AXDND1: variants seen among roughly 807,000 people sequenced by gnomAD.
AXDND1 encodes axonemal dynein light chain domain containing 1.
AXDND1 carries 110 observed loss-of-function variants against 137.5 expected under a neutral mutation model. That is an observed-to-expected ratio of 0.80 (90% confidence interval 0.69 to 0.94). AXDND1 has a LOEUF of 0.94. Ranked by LOEUF, AXDND1 falls within the 40% of genes least tolerant of loss-of-function variation. The pLI is 0.00. For missense variants in AXDND1, 1,191 were observed against 1,169.8 expected, an observed-to-expected ratio of 1.02 and a Z score of -0.26; for synonymous variants, 414 against 399.7, an observed-to-expected ratio of 1.04 and a Z score of -0.43.
chr1:179,478,234 G>A (rs1402929674), intron 17 of AXDND1, among the ~76,000 whole-genome samples: 1 of 152,194 alleles, frequency 6.6e-6, no homozygotes, highest in Admixed American at 6.5e-5. Flanking sequence ...GCTCCACTAG[G>A]CAGCACACCA....
chr1:179,408,006 A>G (rs1051011693), intron 11 of AXDND1, among the ~76,000 whole-genome samples: 2 of 152,182 alleles, frequency 1.3e-5, no homozygotes, highest in African/African-American at 4.8e-5. Context: ...ACCTGTCTTC[A>G]AGGTCAGAAG....
chr1:179,500,224 C>T (rs1667855224), intron 20 of AXDND1, among the ~76,000 whole-genome samples: 2 of 151,610 alleles, frequency 1.3e-5, no homozygotes. Flanking sequence ...AATGCAAGTT[C>T]GTAATATAAC....
chr1:179,417,884 CAG>C (rs1242627296), intron 12 of AXDND1, among the ~76,000 whole-genome samples: 2 of 151,574 alleles, frequency 1.3e-5, no homozygotes, highest in African/African-American at 4.8e-5. Context: ...TTTTTTTAAT[CAG>C]AGTTTTATAG....
chr1:179,510,619 C>G (rs12131398), intron 21 of AXDND1, among the ~76,000 whole-genome samples: 128,473 of 151,952 alleles, frequency 0.85, 55,006 homozygotes, highest in East Asian at 0.96. Flanking sequence ...TAATGAAATA[C>G]CACCGACATG....
chr1:179,498,402 A>T (rs1667673048), intron 20 of AXDND1, among the ~76,000 whole-genome samples: 1 of 152,152 alleles, frequency 6.6e-6, no homozygotes, highest in Non-Finnish European at 1.5e-5. Flanking sequence ...AGCAAGGGGG[A>T]AAAGACTCCC....
intron 18 of AXDND1, 59 bp from the exon 19 acceptor site, chr1:179,491,479 A>C: frequency 8.4e-7 from 1 of 1,189,574 alleles, no homozygotes; most frequent in South Asian, 1.4e-5. Context: ...ATTTGGTGTG[A>C]TTTTTACTGT....
At chr1:179,517,042 T>C (rs937643052) in intron 21 of AXDND1, among the ~76,000 whole-genome samples, 1 of 152,196 alleles carries the variant, frequency 6.6e-6, no homozygotes, top group African/African-American at 2.4e-5. Context: ...TCATATACCC[T>C]ACCCACCCTT....
chr1:179,484,652 C>T (rs1193645410), intron 18 of AXDND1, among the ~76,000 whole-genome samples: 1 of 152,184 alleles, frequency 6.6e-6, no homozygotes, highest in African/African-American at 2.4e-5. Context: ...CTCCCCCATG[C>T]CATTTGCCAG....
At chr1:179,415,442 G>A (rs1439584326) in intron 12 of AXDND1, among the ~76,000 whole-genome samples, 1 of 152,132 alleles carries the variant, frequency 6.6e-6, no homozygotes, top group Non-Finnish European at 1.5e-5. Flanking sequence ...TAAAAACAAT[G>A]TAATTATAAA....
chr1:179,534,063 C>T (rs1337376093), intron 24 of AXDND1, among the ~76,000 whole-genome samples, 186 bp downstream of exon 24: 1 of 152,176 alleles, frequency 6.6e-6, no homozygotes, highest in Non-Finnish European at 1.5e-5. Context: ...AACATCCATT[C>T]TTAACTACAG....
At chr1:179,392,914 T>C (rs1650421792) in intron 9 of AXDND1, among the ~76,000 whole-genome samples, 1 of 152,230 alleles carries the variant, frequency 6.6e-6, no homozygotes. Flanking sequence ...TCTCCCTCTC[T>C]GTGGGTTGTC....
At chr1:179,417,977 T>A (rs1473288511) in intron 12 of AXDND1, among the ~76,000 whole-genome samples, 1 of 149,972 alleles carries the variant, frequency 6.7e-6, no homozygotes, top group African/African-American at 2.5e-5. Flanking sequence ...TTTATTTATT[T>A]ATTTTTATTT....
chr1:179,404,390 T>A (rs1295325498), intron 11 of AXDND1, among the ~76,000 whole-genome samples: 1 of 146,782 alleles, frequency 6.8e-6, no homozygotes, highest in African/African-American at 2.5e-5. Context: ...CCCAGTTAAT[T>A]TTTGTATTTT....
chr1:179,429,595 T>C lies in AXDND1; in HGVS notation c.1308T>C (p.His436=), dbSNP rs117062325. The part of the protein sequence containing the change: ...NEKGWNKYTK[H]FIILLSNKDT... Reference sequence around the variant, plus strand: ...AAGGCTGGAATAAATACACTAAGCATTTCATCATACTGCTATCAAACAAGG... The same window carrying C: ...AAGGCTGGAATAAATACACTAAGCACTTCATCATACTGCTATCAAACAAGG... The change falls in exon 13 of 26, where the codon CAT becomes CAC. Residue 436 remains histidine, a synonymous_variant. Coordinates refer to ENST00000367618, the MANE Select transcript of AXDND1 (RefSeq NM_144696.6). 4.7e-3 allele frequency: 7,474 copies of C among 1,576,870 alleles called. 211 individuals carry two copies. In the Admixed American group the frequency reaches 0.066, roughly 14 times the overall value.
intron 25 of AXDND1, among the ~76,000 whole-genome samples, chr1:179,553,644 C>T (rs923377513): frequency 2.6e-5 from 4 of 152,244 alleles, no homozygotes; most frequent in South Asian, 2.1e-4. Context: ...GGCTTCCTTT[C>T]GGGATGATGA....
chr1:179,552,582 G>A (rs765871191), intron 25 of AXDND1: 2 of 1,605,666 alleles, frequency 1.2e-6, no homozygotes, highest in African/African-American at 2.7e-5. Context: ...GGCAGTCTGG[G>A]TGGGAGGATG....
At chr1:179,511,069 A>G (rs1428288892) in intron 21 of AXDND1, among the ~76,000 whole-genome samples, 1 of 151,968 alleles carries the variant, frequency 6.6e-6, no homozygotes, top group African/African-American at 2.4e-5. Context: ...CAGGAGGCTG[A>G]GGCAGGAGAA....
At chr1:179,371,991 AT>A (rs1668083492) in intron 4 of AXDND1, among the ~76,000 whole-genome samples, 1 of 152,202 alleles carries the variant, frequency 6.6e-6, no homozygotes, top group African/African-American at 2.4e-5. Context: ...CAATGCCTTG[AT>A]TTTAGCCTTT....
chr1:179,494,823 GT>G (rs1425805222), intron 20 of AXDND1, among the ~76,000 whole-genome samples: 1 of 152,088 alleles, frequency 6.6e-6, no homozygotes, highest in African/African-American at 2.4e-5. Context: ...TCTTCTAGAA[GT>G]TTTAGAGTTT....
Sources: allele counts gnomAD v4.1 joint callset (sites outside exome capture counted in the v4.1 genomes callset), GRCh38; gene constraint gnomAD v4.1.1; transcripts MANE v1.5; gene names NCBI Gene and HGNC (gene_info 2026-07-23, HGNC 2026-07-21).